CNOT2: variants seen among roughly 807,000 people sequenced by gnomAD.
CNOT2 encodes CCR4-NOT transcription complex subunit 2.
Under a neutral mutation model 72.1 loss-of-function variants are expected in CNOT2, and 7 were observed. That is an observed-to-expected ratio of 0.10 (90% confidence interval 0.06 to 0.18). The LOEUF (loss-of-function observed/expected upper bound fraction) is 0.18. Among genes scored for constraint, CNOT2 ranks in the 10% least tolerant of loss-of-function variants. The pLI is 1.00. For synonymous variants in CNOT2, 196 were observed against 225.6 expected (o/e 0.87, Z 1.17); for missense variants, 345 against 660.3 (o/e 0.52, Z 5.23).
intron 1 of CNOT2, among the ~76,000 whole-genome samples, chr12:70,262,932 C>T (rs199677713): frequency 0.21 from 31,469 of 151,946 alleles, 3,576 homozygotes; most frequent in African/African-American, 0.3. Context: ...CTCGGCCTCT[C>T]AAAGTACTGA....
chr12:70,319,913 A>AT (rs1381062128), intron 4 of CNOT2, among the ~76,000 whole-genome samples: 3 of 151,720 alleles, frequency 2.0e-5, no homozygotes, highest in Middle Eastern at 3.4e-3. Context: ...TTCTACTTCT[A>AT]TTTTTTTAAA....
intron 15 of CNOT2, 105 bp from the exon 16 acceptor site, chr12:70,353,724 A>G: frequency 2.5e-5 from 35 of 1,399,338 alleles, no homozygotes; most frequent in Non-Finnish European, 3.2e-5. Context: ...GTTGATGTTG[A>G]TTCATATATA....
chr12:70,273,087 T>C (rs996895369), intron 1 of CNOT2, among the ~76,000 whole-genome samples: 6 of 152,176 alleles, frequency 3.9e-5, no homozygotes, highest in Non-Finnish European at 8.8e-5. Context: ...TAATTTTTCC[T>C]GTCTTTAAAA....
intron 4 of CNOT2, chr12:70,324,265 A>T (rs543782363): frequency 2.0e-5 from 3 of 151,798 alleles, no homozygotes; most frequent in Non-Finnish European, 2.9e-5. Flanking sequence ...TTATGTATTT[A>T]TTGGGTGCCT....
At chr12:70,300,787 T>C (rs1326505856) in intron 2 of CNOT2, among the ~76,000 whole-genome samples, 3 of 152,222 alleles carry the variant, frequency 2.0e-5, no homozygotes, top group Admixed American at 6.5e-5. Context: ...GGGGATGGCA[T>C]TGAATCTATA....
chr12:70,264,277 T>TTAACTTGTTC (rs1368458799), intron 1 of CNOT2, among the ~76,000 whole-genome samples: 5 of 152,236 alleles, frequency 3.3e-5, no homozygotes, highest in Non-Finnish European at 7.3e-5. Context: ...CTTGTTCCTG[T>TTAACTTGTTC]CTTAGAGCTA....
At chr12:70,263,370 T>G (rs1432328322) in intron 1 of CNOT2, among the ~76,000 whole-genome samples, 2 of 152,124 alleles carry the variant, frequency 1.3e-5, no homozygotes, top group Non-Finnish European at 2.9e-5. Context: ...TTTTTTTTCC[T>G]GAGGTTTTGT....
chr12:70,264,219 A>G (rs550561996), intron 1 of CNOT2, among the ~76,000 whole-genome samples: 5 of 152,076 alleles, frequency 3.3e-5, no homozygotes, highest in African/African-American at 1.2e-4. Context: ...GTTCCTAGCT[A>G]TCTCTCTTCC....
intron 13 of CNOT2, among the ~76,000 whole-genome samples, chr12:70,343,773 C>T (rs577466703): frequency 7.9e-5 from 12 of 152,276 alleles, no homozygotes; most frequent in Non-Finnish European, 1.6e-4. Context: ...AAAACCAGGA[C>T]TTGAATACAA....
At chr12:70,331,714 C>T (rs1306494715) in intron 6 of CNOT2, 1 of 151,754 alleles carries the variant, frequency 6.6e-6, no homozygotes. Context: ...TCTGGCTCTT[C>T]TCTAGAGTGT....
rs1226592628 is a variant in CNOT2 at position 70,353,915 on chromosome 12, A to AAAAAC, written c.*4_*5insCAAAA. ...ACAACCCTGCTCAGCAAGCCTTCTAAAAAAAAAAAAAAAAAAAAAAAAAGA... is the reference window on the plus strand; with the variant it reads ...ACAACCCTGCTCAGCAAGCCTTCTAAAAAACAAAAAAAAAAAAAAAAAAAAAAAGA... On this transcript the variant is annotated 3_prime_UTR_variant, in exon 16 of 16. Coordinates refer to ENST00000229195, the MANE Select transcript of CNOT2 (RefSeq NM_014515.7). 1 of 521,512 alleles carries AAAAAC rather than the reference A, an allele frequency of 1.9e-6. No individual in the cohort carries two copies. Among genetic ancestry groups the AAAAAC allele is most frequent in the Non-Finnish European group, 3.0e-6 (1 of 334,174 alleles). 32.3% of individuals were successfully genotyped at this position (521,512 alleles called of 1,614,324 possible).
intron 2 of CNOT2, chr12:70,294,088 G>A (rs747075570): frequency 3.8e-5 from 48 of 1,279,794 alleles, no homozygotes; most frequent in Non-Finnish European, 4.2e-5. Context: ...GAATCCCATC[G>A]TTTATCATGT....
intron 2 of CNOT2, among the ~76,000 whole-genome samples, chr12:70,302,907 G>C (rs1397584446): frequency 6.6e-6 from 1 of 152,122 alleles, no homozygotes; most frequent in African/African-American, 2.4e-5. Flanking sequence ...CTCCTGTATT[G>C]GGTGTATATA....
chr12:70,349,336 A>G (rs533810497), intron 15 of CNOT2, among the ~76,000 whole-genome samples: 24 of 152,286 alleles, frequency 1.6e-4, no homozygotes, highest in African/African-American at 4.3e-4. Context: ...CCCATCTGTA[A>G]AGTGGGTGTG....
chr12:70,290,945 C>G (rs1157627693), intron 2 of CNOT2: 1 of 152,162 alleles, frequency 6.6e-6, no homozygotes, highest in African/African-American at 2.4e-5. Context: ...GTATAAAATA[C>G]TATACAGTGT....
At chr12:70,353,396 T>C (rs889290814) in intron 15 of CNOT2, among the ~76,000 whole-genome samples, 1 of 152,120 alleles carries the variant, frequency 6.6e-6, no homozygotes, top group Non-Finnish European at 1.5e-5. Flanking sequence ...TTAATATAAA[T>C]GTAATAAAGA....
chr12:70,310,009 T>C (rs1034592096), intron 2 of CNOT2, among the ~76,000 whole-genome samples: 1 of 152,100 alleles, frequency 6.6e-6, no homozygotes, highest in African/African-American at 2.4e-5. Flanking sequence ...TGTTTTTTCT[T>C]GTAATTATTC....
chr12:70,255,222 T>C (rs1414531410), intron 1 of CNOT2, among the ~76,000 whole-genome samples: 2 of 152,204 alleles, frequency 1.3e-5, no homozygotes, highest in African/African-American at 4.8e-5. Context: ...TGATAATCTT[T>C]GGGGTATTCC....
chr12:70,288,086 AT>A (rs911464638), intron 2 of CNOT2, among the ~76,000 whole-genome samples: 1 of 139,488 alleles, frequency 7.2e-6, no homozygotes, highest in Non-Finnish European at 1.5e-5. Context: ...GAACATCAAG[AT>A]TTTTTGCTGT....
Sources: allele counts gnomAD v4.1 joint callset (sites outside exome capture counted in the v4.1 genomes callset), GRCh38; gene constraint gnomAD v4.1.1; transcripts MANE v1.5; gene names NCBI Gene and HGNC (gene_info 2026-07-23, HGNC 2026-07-21).